WDR86: variants seen among roughly 807,000 people sequenced by gnomAD.
The protein encoded by WDR86 is WD repeat-containing protein 86.
A neutral mutation model predicts 36.5 loss-of-function variants in WDR86; 30 were observed. The ratio of observed to expected loss-of-function variants is 0.82; its 90% CI spans 0.61 to 1.11. WDR86 has a LOEUF of 1.11. Among genes scored for constraint, WDR86 ranks in the 50% most tolerant of loss-of-function variants. The pLI, the probability that WDR86 is intolerant of heterozygous loss-of-function variation, is 0.00. For synonymous variants in WDR86, 255 were observed against 252.9 expected (o/e 1.01, Z -0.08); for missense variants, 545 against 561.2 (o/e 0.97, Z 0.29).
Position 151,383,579 on chromosome 7 carries a change from A to C in WDR86, c.862+1509T>G, listed in dbSNP as rs897902400. ...AGATCCTCCCGCCTTGGCTTCCCAAAGTGCTGGGATTACAGGCATGAGCCA... is the reference window on the plus strand; with the variant it reads ...AGATCCTCCCGCCTTGGCTTCCCAACGTGCTGGGATTACAGGCATGAGCCA... On this transcript the variant is annotated intron_variant, in intron 4 of 5. Transcript: ENST00000334493. Among the ~76,000 whole-genome samples, 16 of 152,242 alleles carry C rather than the reference A, an allele frequency of 1.1e-4. 1 individual carries two copies. The highest frequency in any genetic ancestry group is 3.8e-4 in the African/African-American group (16 of 41,568).
Position 151,409,643 on chromosome 7 carries a change from C to T in WDR86, c.-54G>A. On this transcript the variant is annotated 5_prime_UTR_variant, in exon 1 of 6. Transcript: ENST00000334493. The surrounding 1 kb of genome is among the most constrained non-coding windows in gnomAD (Gnocchi z 5.2). ...AGCTGCGCCCCGCTAGGGAGGGGCG[C>T]CCCGGGGTCCGCGCGGCGGCTCCGT... 1 of 1,317,958 alleles carries T rather than the reference C, an allele frequency of 7.6e-7. No homozygotes were observed. The highest frequency in any genetic ancestry group is 3.1e-5 in the East Asian group (1 of 32,140). 81.6% of individuals were successfully genotyped at this position (1,317,958 alleles called of 1,614,324 possible). A position where few individuals can be genotyped will look rare whatever the true frequency, so the allele number is the denominator to read the frequency against.
rs1799813462 is a variant in WDR86 at position 151,396,168 on chromosome 7, T to C, written c.334A>G (p.Ser112Gly). The C allele has an allele frequency of 1.2e-6, 2 of 1,612,780 alleles. No individual in the cohort carries two copies. The highest frequency in any genetic ancestry group is 8.5e-7 in the Non-Finnish European group (1 of 1,179,876). The change falls in exon 3 of 6, where the codon AGC becomes GGC. Residue 112 changes from serine to glycine, a missense_variant. Physicochemically the swap from Ser to Gly is moderately conservative, Grantham distance 56 (BLOSUM62 0). Coordinates refer to ENST00000334493, the MANE Select transcript of WDR86 (RefSeq NM_198285.3). The stretch of plus-strand genomic sequence containing the variant: ...CGAGCTGTCCGGTCATAGGAGCTGC[T>C]GAAGAGCTGGTTGTTGGCAACCAGG... ...RILVANNQLF[S>G]SSYDRTARVW...
In WDR86 at chr7:151,390,540, C is replaced by A. The variant is rs1260902886; in HGVS notation, c.726+5236G>T. Among the ~76,000 whole-genome samples, 1 of 152,228 alleles carries A rather than the reference C, an allele frequency of 6.6e-6. No homozygotes were observed. Among genetic ancestry groups the A allele is most frequent in the East Asian group, 1.9e-4 (1 of 5,194 alleles). The stretch of plus-strand genomic sequence containing the variant: ...AAAGCTGAACAGAGAATTACCAAGT[C>A]ATCCGCAGTCCCACTGGCAGGCATA... On this transcript the variant is annotated intron_variant, in intron 3 of 5. Transcript: ENST00000334493. This position sits in a 1 kb window ranked among gnomAD's most constrained non-coding sequence, Gnocchi z 4.5.
chr7:151,387,587 C>T (rs528865911), intron 3 of WDR86, among the ~76,000 whole-genome samples: 6 of 152,148 alleles, frequency 3.9e-5, no homozygotes, highest in African/African-American at 9.6e-5. Context: ...AGTCTCCCAG[C>T]GATGAGATCC....
downstream of WDR86, chr7:151,377,289 C>A: frequency 8.9e-7 from 1 of 1,120,716 alleles, no homozygotes; most frequent in Non-Finnish European, 1.2e-6. Context: ...AAGGCTAATG[C>A]AGCTCTTTCT....
rs1800161957 is a variant in WDR86, at chr7:151,399,974, G to A, written c.305+126C>T. 6 of 885,182 alleles carry A rather than the reference G, an allele frequency of 6.8e-6. No homozygotes were observed. In the Admixed American group the frequency reaches 1.2e-4, roughly 17 times the overall value. The allele number at this position is 885,182 out of a possible 1,614,324, so 54.8% of individuals were successfully genotyped here. On this transcript the variant is annotated intron_variant, in intron 2 of 5. Transcript: ENST00000334493. ...GGGTGCTACTGACCACCTCCCAGCT[G>A]TCCACGTTTTTGCTTCCCCAGAGAG...
At chr7:151,392,113 C>A in intron 3 of WDR86, among the ~76,000 whole-genome samples, 1 of 152,178 alleles carries the variant, frequency 6.6e-6, no homozygotes, top group Admixed American at 6.5e-5. Flanking sequence ...CCAGCTGAGA[C>A]GCAACAGCCA....
At chr7:151,382,038 G>T in intron 4 of WDR86, 57 bp from the exon 5 acceptor site, 6 of 1,498,230 alleles carry the variant, frequency 4.0e-6, no homozygotes, top group East Asian at 2.5e-5. Flanking sequence ...CCGCAAGCAG[G>T]GATGGGGCGG....
rs772852645 is a variant in WDR86, at chr7:151,395,936, A to G, written c.566T>C (p.Leu189Pro). 1.3e-6 allele frequency: 2 copies of G among 1,594,532 alleles called. No homozygotes were observed. Among genetic ancestry groups the G allele is most frequent in the African/African-American group, 2.7e-5 (2 of 74,578 alleles). Residue 189 changes from leucine to proline, a missense_variant, in exon 3 of 6, where the codon CTG becomes CCG. Coordinates refer to ENST00000334493, the MANE Select transcript of WDR86 (RefSeq NM_198285.3). ...CAGCACTGCACCCGTGTGGCCCCGC[A>G]GCGTCTGGTGGCAGCAGCCGCTGGC... ...QVASGCCHQTLRGHTGAVLCL... is the reference protein window; with the variant it reads ...QVASGCCHQTPRGHTGAVLCL...
chr7:151,393,509 C>A (rs1799589033), intron 3 of WDR86, among the ~76,000 whole-genome samples: 1 of 152,184 alleles, frequency 6.6e-6, no homozygotes, highest in African/African-American at 2.4e-5. Context: ...TTTCTCCCCC[C>A]TCCGTCCAGC....
chr7:151,374,080 T>A, downstream of WDR86: 1 of 1,547,946 alleles, frequency 6.5e-7, no homozygotes, highest in Non-Finnish European at 8.7e-7. Context: ...GGATGGGACT[T>A]TGCTGTTTTC....
downstream of WDR86, chr7:151,374,033 C>T (rs1286062891): frequency 4.7e-6 from 7 of 1,485,612 alleles, no homozygotes; most frequent in South Asian, 1.3e-5. Flanking sequence ...CTGCAGAGCG[C>T]AGACTGAGAG....
At position 151,390,875 on chromosome 7, in the gene WDR86, C is replaced by T. The variant is rs35037398; in HGVS notation, c.726+4901G>A. 0.44 allele frequency among the ~76,000 whole-genome samples: 66,829 copies of T among 152,160 alleles called. 16,053 individuals carry two copies. Among genetic ancestry groups the T allele is most frequent in the Non-Finnish European group, 0.55 (37,406 of 68,010 alleles). ...GACACAAAGCAGAAGGGCGGGTGCC[C>T]GGGGCATGGAAGAGCAGCGGGGAGT... is the stretch of plus-strand genomic sequence containing the variant. On this transcript the variant is annotated intron_variant, in intron 3 of 5. Coordinates refer to ENST00000334493, the MANE Select transcript of WDR86 (RefSeq NM_198285.3). This position sits in a 1 kb window ranked among gnomAD's most constrained non-coding sequence, Gnocchi z 4.5.
At chr7:151,380,588 C>T (rs1338643942), downstream of WDR86, among the ~76,000 whole-genome samples, 2 of 152,124 alleles carry the variant, frequency 1.3e-5, no homozygotes, top group Admixed American at 6.5e-5. Flanking sequence ...GAAGAGCACC[C>T]CGCTCAGGTG....
chr7:151,390,110 T>A lies in WDR86; in HGVS notation c.727-4887A>T, dbSNP rs116669752. Among the ~76,000 whole-genome samples, 1,479 of 152,192 alleles carry A rather than the reference T, an allele frequency of 9.7e-3. 22 individuals carry two copies. Among genetic ancestry groups the A allele is most frequent in the African/African-American group, 0.034 (1,421 of 41,510 alleles). ...AAATGCAAGAGAGCGTGGGGTGTAA[T>A]GGCCAGCCCTGGTGCCACGAACCAA... On this transcript the variant is annotated intron_variant, in intron 3 of 5. Transcript: ENST00000334493. This position sits in a 1 kb window ranked among gnomAD's most constrained non-coding sequence, Gnocchi z 4.5.
At position 151,409,931 on chromosome 7, in the gene WDR86, A is replaced by T. The variant is rs1028778913; in HGVS notation, c.-342T>A. On this transcript the variant is annotated 5_prime_UTR_variant, in exon 1 of 6. Coordinates refer to ENST00000334493, the MANE Select transcript of WDR86 (RefSeq NM_198285.3). This position sits in a 1 kb window ranked among gnomAD's most constrained non-coding sequence, Gnocchi z 5.2. The stretch of plus-strand genomic sequence containing the variant: ...AACAAGGCAGCTGCGTCTCTGGTGC[A>T]CAAGGAGCCCCCCGCCTCCTCTCGC... 91 of 1,069,250 alleles carry T rather than the reference A, an allele frequency of 8.5e-5. No individual in the cohort carries two copies. The highest frequency in any genetic ancestry group is 9.9e-5 in the Non-Finnish European group (88 of 884,812). The allele number at this position is 1,069,250 out of a possible 1,614,324, so 66.2% of individuals were successfully genotyped here.
At chr7:151,403,537 G>A (rs955827813) in intron 1 of WDR86, among the ~76,000 whole-genome samples, 3 of 151,942 alleles carry the variant, frequency 2.0e-5, no homozygotes, top group Admixed American at 6.6e-5. Flanking sequence ...TTGGAAAAAC[G>A]CAACTTCCTG....
chr7:151,373,037 A>G (rs1239335183), downstream of WDR86, among the ~76,000 whole-genome samples: 1 of 152,148 alleles, frequency 6.6e-6, no homozygotes, highest in African/African-American at 2.4e-5. Flanking sequence ...TGGTTCCACA[A>G]TGATGATGCT....
the WDR86 span, among the ~76,000 whole-genome samples, chr7:151,370,165 C>G: frequency 2.7e-3 from 404 of 152,048 alleles, 2 homozygotes; most frequent in Middle Eastern, 0.01. Flanking sequence ...GTGATCACTG[C>G]AACCTCTGCC....
Sources: allele counts gnomAD v4.1 joint callset (sites outside exome capture counted in the v4.1 genomes callset), GRCh38; gene constraint gnomAD v4.1.1; non-coding constraint Gnocchi (gnomAD v3.1); transcripts MANE v1.5; gene names NCBI Gene and HGNC (gene_info 2026-07-23, HGNC 2026-07-21).